Variants in FRK observed in about 807,000 individuals in gnomAD.
The protein encoded by FRK is fyn related Src family tyrosine kinase.
A neutral mutation model predicts 56.4 loss-of-function variants in FRK; 51 were observed. The ratio of observed to expected loss-of-function variants is 0.90; its 90% CI spans 0.72 to 1.14. The LOEUF (loss-of-function observed/expected upper bound fraction) is 1.14. Ranked by LOEUF, FRK falls within the 50% of genes most tolerant of loss-of-function variation. The pLI is 0.00. For synonymous variants in FRK, 245 were observed against 217.9 expected (o/e 1.12, Z -1.10); for missense variants, 570 against 601.4 (o/e 0.95, Z 0.55).
upstream of FRK, among the ~76,000 whole-genome samples, chr6:116,065,226 C>T (rs574087237): frequency 6.6e-6 from 1 of 152,240 alleles, no homozygotes; most frequent in South Asian, 2.1e-4. Context: ...CAGTTTTATA[C>T]CAGGACGAAT....
rs1180745415 is a variant in FRK, at chr6:115,938,931, T to C, written c.*3483A>G. Reference sequence around the variant, plus strand: ...AAGCTAGTACTATTCTTTCTGAAACTATTCCAAACAATAGGAAAAGAGGGA... The same window carrying C: ...AAGCTAGTACTATTCTTTCTGAAACCATTCCAAACAATAGGAAAAGAGGGA... On this transcript the variant is annotated 3_prime_UTR_variant, in exon 8 of 8. Transcript: ENST00000606080. 6.6e-6 allele frequency: 1 copy of C among 151,898 alleles called. No homozygotes were observed. The highest frequency in any genetic ancestry group is 2.4e-5 in the African/African-American group (1 of 41,306). The allele number at this position is 151,898 out of a possible 1,614,324, so 9.4% of individuals were successfully genotyped here. A position where few individuals can be genotyped will look rare whatever the true frequency, so the allele number is the denominator to read the frequency against.
At chr6:115,978,298 G>T (rs1774060041) in intron 2 of FRK, among the ~76,000 whole-genome samples, 1 of 151,966 alleles carries the variant, frequency 6.6e-6, no homozygotes, top group Non-Finnish European at 1.5e-5. Context: ...TCCCTACCTT[G>T]TTCTAAAAAT....
At chr6:116,092,624 T>C in the FRK span, among the ~76,000 whole-genome samples, 3 of 152,286 alleles carry the variant, frequency 2.0e-5, no homozygotes, top group African/African-American at 7.2e-5. Flanking sequence ...AAAACTAGTG[T>C]TTCTGCTGCT....
chr6:116,057,099 C>A (rs1362752176), intron 1 of FRK, among the ~76,000 whole-genome samples: 1 of 152,100 alleles, frequency 6.6e-6, no homozygotes, highest in Non-Finnish European at 1.5e-5. Flanking sequence ...AAAGTAAAGA[C>A]ATAAAAACAC....
intron 2 of FRK, among the ~76,000 whole-genome samples, chr6:115,981,844 T>C (rs979340754): frequency 6.6e-6 from 1 of 152,100 alleles, no homozygotes; most frequent in Admixed American, 6.6e-5. Flanking sequence ...AAGAAAACTA[T>C]TGGTAATTTG....
chr6:115,956,065 C>T (rs1310275244), intron 5 of FRK, among the ~76,000 whole-genome samples: 2 of 152,082 alleles, frequency 1.3e-5, no homozygotes, highest in Non-Finnish European at 2.9e-5. Context: ...CCTTTTTCCC[C>T]AAATGTATTC....
At position 115,942,592 on chromosome 6, in the gene FRK, G is replaced by A; in HGVS notation, c.1340C>T (p.Ala447Val). 6.2e-7 allele frequency: 1 copy of A among 1,613,690 alleles called. No homozygotes were observed. The highest frequency in any genetic ancestry group is 8.5e-7 in the Non-Finnish European group (1 of 1,179,748). ...MTGAQVIQML[A>V]QNYRLPQPSN... Reference sequence around the variant, plus strand: ...TGGTTGCGGAAGTCTATAGTTTTGAGCCAACATCTGGATTACCTGGGCACC... The same window carrying A: ...TGGTTGCGGAAGTCTATAGTTTTGAACCAACATCTGGATTACCTGGGCACC... The change falls in exon 8 of 8, where the codon GCT (alanine) becomes GTT (valine). Residue 447 changes from alanine to valine, a missense_variant. Ala to Val is a moderately conservative substitution (Grantham distance 64). Transcript: ENST00000606080.
At chr6:116,078,881 G>A in the FRK span, among the ~76,000 whole-genome samples, 1 of 151,990 alleles carries the variant, frequency 6.6e-6, no homozygotes, top group African/African-American at 2.4e-5. Context: ...TGTTCATACA[G>A]TTACCGTTCT....
chr6:116,096,641 GTAAAATGGACCAATCAGCACTCTA>G, the FRK span, among the ~76,000 whole-genome samples: 131 of 152,200 alleles, frequency 8.6e-4, no homozygotes, highest in African/African-American at 2.9e-3. Flanking sequence ...TCAGCACTCT[GTAAAATGGACCAATCAGCACTCTA>G]TAAAATGGAC....
intron 1 of FRK, among the ~76,000 whole-genome samples, chr6:116,048,668 G>A (rs753449847): frequency 5.3e-5 from 8 of 152,158 alleles, no homozygotes; most frequent in Non-Finnish European, 1.0e-4. Flanking sequence ...TCACAGGCAT[G>A]AGCCACCATG....
chr6:115,945,464 T>C (rs1358842097), intron 5 of FRK, among the ~76,000 whole-genome samples: 1 of 152,160 alleles, frequency 6.6e-6, no homozygotes, highest in Non-Finnish European at 1.5e-5. Context: ...TACTGATAAG[T>C]GCTGTTGAGC....
intron 1 of FRK, among the ~76,000 whole-genome samples, chr6:116,056,800 C>T (rs180715243): frequency 6.6e-6 from 1 of 152,162 alleles, no homozygotes; most frequent in East Asian, 1.9e-4. Flanking sequence ...GGAATAAATT[C>T]AAGTCGAAGA....
chr6:116,040,355 AAT>A (rs1776666514), intron 1 of FRK, among the ~76,000 whole-genome samples: 1 of 152,194 alleles, frequency 6.6e-6, no homozygotes, highest in Non-Finnish European at 1.5e-5. Context: ...TTCTTCTAAT[AAT>A]ATCCTATGGA....
chr6:115,993,450 T>C (rs1774699978), intron 2 of FRK, among the ~76,000 whole-genome samples: 1 of 151,860 alleles, frequency 6.6e-6, no homozygotes, highest in Non-Finnish European at 1.5e-5. Flanking sequence ...TTCCTTGATA[T>C]TATAATATCT....
intron 5 of FRK, among the ~76,000 whole-genome samples, chr6:115,955,322 G>A (rs955431127): frequency 1.3e-5 from 2 of 152,082 alleles, no homozygotes; most frequent in Non-Finnish European, 2.9e-5. Context: ...GCTGTCGATA[G>A]ATCTGAGGAT....
the FRK span, among the ~76,000 whole-genome samples, chr6:116,091,627 C>T: frequency 1.4e-4 from 21 of 152,270 alleles, no homozygotes; most frequent in African/African-American, 5.1e-4. Flanking sequence ...ACCCCTTTCG[C>T]TTGCTATTCT....
At chr6:116,049,490 C>G (rs1046310342) in intron 1 of FRK, among the ~76,000 whole-genome samples, 1 of 152,154 alleles carries the variant, frequency 6.6e-6, no homozygotes, top group Non-Finnish European at 1.5e-5. Context: ...CACAAAGAGT[C>G]TTGCATAGTT....
At chr6:115,989,775 C>G (rs554375934) in intron 2 of FRK, among the ~76,000 whole-genome samples, 9 of 151,846 alleles carry the variant, frequency 5.9e-5, no homozygotes, top group African/African-American at 1.9e-4. Context: ...TTTGGGATAA[C>G]CATTTCTTTC....
chr6:115,987,418 A>G (rs1774436134), intron 2 of FRK, among the ~76,000 whole-genome samples: 1 of 152,086 alleles, frequency 6.6e-6, no homozygotes, highest in African/African-American at 2.4e-5. Context: ...AGCTCTGATG[A>G]CCTTATCCTT....
Sources: gnomAD v4.1 joint callset for allele counts (sites outside exome capture counted in the v4.1 genomes callset) on GRCh38, gnomAD v4.1.1 for gene constraint, MANE v1.5 for transcripts, NCBI Gene and HGNC (gene_info 2026-07-23, HGNC 2026-07-21) for gene names.